Variants in DISP1 observed in about 807,000 individuals in gnomAD.
DISP1 encodes the protein dispatched RND transporter family member 1.
In DISP1, 30 loss-of-function variants were observed where a neutral mutation model predicts 37.3. The observed-to-expected ratio is 0.80, with a 90% CI of 0.60 to 1.09. DISP1 has a LOEUF of 1.09. Among genes scored for constraint, DISP1 ranks in the 50% least tolerant of loss-of-function variants. DISP1 has a pLI of 0.00. For synonymous variants in DISP1, 634 were observed against 690.2 expected (o/e 0.92, Z 1.28); for missense variants, 1,598 against 1,879.5 (o/e 0.85, Z 2.77).
rs1015899927 is a variant in DISP1 at position 222,942,725 on chromosome 1, T to A, written c.-17-82T>A. 5 of 1,509,244 alleles carry A rather than the reference T, an allele frequency of 3.3e-6. No individual in the cohort carries two copies. The African/African-American group carries it at 6.9e-5, about 21-fold the overall frequency. The allele number at this position is 1,509,244 out of a possible 1,614,324, so 93.5% of individuals were successfully genotyped here. On this transcript the variant is annotated intron_variant, in intron 2 of 8. Transcript: ENST00000675850. ...GCAAGAACCCTCATTTTCAATGAGC[T>A]GTTTTTAAATATCATACTTGTCTTT...
At chr1:222,871,051 C>CT (rs1344713675) in intron 1 of DISP1, among the ~76,000 whole-genome samples, 1 of 152,098 alleles carries the variant, frequency 6.6e-6, no homozygotes, top group Non-Finnish European at 1.5e-5. Flanking sequence ...ATAGGGAATC[C>CT]TTTCCCCATT....
chr1:222,984,421 A>AAAT (rs1553254646), intron 4 of DISP1, among the ~76,000 whole-genome samples: 22,309 of 105,642 alleles, frequency 0.21, 3,871 homozygotes, highest in Non-Finnish European at 0.26. Context: ...AAAAAAAAAA[A>AAAT]ATATATATAT....
At chr1:223,000,342 GT>G (rs1015387567) in intron 8 of DISP1, among the ~76,000 whole-genome samples, 25 of 152,134 alleles carry the variant, frequency 1.6e-4, no homozygotes, top group Non-Finnish European at 4.4e-5. Context: ...CCATTCCAGG[GT>G]TTCCTGTTGT....
At chr1:222,817,032 C>G (rs1227788580) in intron 1 of DISP1, among the ~76,000 whole-genome samples, 3 of 152,236 alleles carry the variant, frequency 2.0e-5, no homozygotes, top group Non-Finnish European at 4.4e-5. Context: ...AACACAAGAG[C>G]ACTTGCCCTC....
chr1:222,936,870 C>A (rs1438849071), intron 2 of DISP1, among the ~76,000 whole-genome samples: 66 of 41,498 alleles, frequency 1.6e-3, no homozygotes, highest in South Asian at 0.01. Flanking sequence ...ATTTATATAT[C>A]ATATATATGA....
chr1:222,851,491 T>G (rs1668230741), intron 1 of DISP1, among the ~76,000 whole-genome samples: 2 of 152,174 alleles, frequency 1.3e-5, no homozygotes, highest in South Asian at 4.2e-4. Context: ...CCAGCTGATT[T>G]GTTGAGCCTC....
intron 7 of DISP1, 141 bp from the exon 8 acceptor site, chr1:222,994,744 T>G (rs1010054983): frequency 6.1e-6 from 4 of 656,820 alleles, no homozygotes; most frequent in Non-Finnish European, 1.1e-5. Context: ...CTCCTGGAAT[T>G]TATCAAAGGA....
chr1:222,881,035 T>C (rs891051820), intron 1 of DISP1, among the ~76,000 whole-genome samples: 2 of 152,176 alleles, frequency 1.3e-5, no homozygotes, highest in African/African-American at 4.8e-5. Flanking sequence ...TACTACAGGC[T>C]GAGCAACAGA....
intron 1 of DISP1, among the ~76,000 whole-genome samples, chr1:222,846,153 T>C (rs1270718954): frequency 1.3e-5 from 2 of 152,204 alleles, no homozygotes; most frequent in Non-Finnish European, 2.9e-5. Flanking sequence ...TTGAAAATGT[T>C]TGCACAGAGA....
chr1:222,929,225 A>T (rs1394834512), intron 2 of DISP1, among the ~76,000 whole-genome samples: 2 of 152,160 alleles, frequency 1.3e-5, no homozygotes, highest in African/African-American at 4.8e-5. Flanking sequence ...ACTGCATATG[A>T]TTGGATTTAC....
chr1:222,844,617 T>C (rs1667793667), intron 1 of DISP1, among the ~76,000 whole-genome samples: 1 of 152,122 alleles, frequency 6.6e-6, no homozygotes, highest in African/African-American at 2.4e-5. Flanking sequence ...TTAGTGTAAA[T>C]TTGCAGGAAA....
intron 1 of DISP1, among the ~76,000 whole-genome samples, chr1:222,845,320 A>C (rs1667838963): frequency 6.6e-6 from 1 of 152,188 alleles, no homozygotes; most frequent in Admixed American, 6.5e-5. Flanking sequence ...AGTGAAAAAA[A>C]GAAGTGGAAG....
Position 222,947,638 on chromosome 1 carries a change from G to A in DISP1, c.509+4306G>A, listed in dbSNP as rs77215259. Among the ~76,000 whole-genome samples, 6 of 152,240 alleles carry A rather than the reference G, an allele frequency of 3.9e-5. No individual in the cohort carries two copies. The East Asian group carries it at 9.6e-4, about 24-fold the overall frequency. ...TTTTTGAGGAACCGTTTTCCATAGT[G>A]GCTGCACCATTTTACACCAGCAGTG... On this transcript the variant is annotated intron_variant, in intron 3 of 8. Transcript: ENST00000675850.
At chr1:222,855,245 CT>C (rs1423577392) in intron 1 of DISP1, among the ~76,000 whole-genome samples, 1 of 152,226 alleles carries the variant, frequency 6.6e-6, no homozygotes, top group Non-Finnish European at 1.5e-5. Flanking sequence ...GCCATTCCCT[CT>C]GCCCCTCTCA....
chr1:222,944,276 T>C (rs1169206851), intron 3 of DISP1, among the ~76,000 whole-genome samples: 1 of 152,198 alleles, frequency 6.6e-6, no homozygotes, highest in African/African-American at 2.4e-5. Flanking sequence ...ATCAATATCA[T>C]TGCCAGTGCT....
intron 1 of DISP1, among the ~76,000 whole-genome samples, chr1:222,904,630 C>G (rs1469960154): frequency 6.7e-6 from 1 of 150,320 alleles, no homozygotes; most frequent in Non-Finnish European, 1.5e-5. Flanking sequence ...CATAGTAGCG[C>G]GGTCTCGGCT....
chr1:222,870,908 G>T (rs962836037), intron 1 of DISP1, among the ~76,000 whole-genome samples: 1 of 152,110 alleles, frequency 6.6e-6, no homozygotes, highest in Non-Finnish European at 1.5e-5. Context: ...TTCTTCTAGG[G>T]TTTTTATGGT....
Position 222,875,654 on chromosome 1 carries a change from T to TAAAA in DISP1, c.-158-52756_-158-52753dup, listed in dbSNP as rs1161033639. Among the ~76,000 whole-genome samples the TAAAA allele has an allele frequency of 8.1e-3, 757 of 93,608 alleles. 15 individuals carry two copies. Among genetic ancestry groups the TAAAA allele is most frequent in the African/African-American group, 0.03 (658 of 22,252 alleles). The allele number at this position is 93,608 out of a possible 152,430, so 61.4% of individuals were successfully genotyped here. On this transcript the variant is annotated intron_variant, in intron 1 of 8. Transcript: ENST00000675850. ...CAACATGGTGAAACCCTGTCTCTAC[T>TAAAA]AAAAAAAAAAAAAAAAAAAAAAATT...
At chr1:222,864,548 A>G (rs891314611) in intron 1 of DISP1, among the ~76,000 whole-genome samples, 3 of 152,058 alleles carry the variant, frequency 2.0e-5, no homozygotes, top group South Asian at 2.1e-4. Flanking sequence ...TCCTTTTTTC[A>G]ATAAGAAAAA....
Sources: allele counts gnomAD v4.1 joint callset (sites outside exome capture counted in the v4.1 genomes callset), GRCh38; gene constraint gnomAD v4.1.1; transcripts MANE v1.5; gene names NCBI Gene and HGNC (gene_info 2026-07-23, HGNC 2026-07-21).